Variants in THRA observed in about 807,000 individuals in gnomAD.
THRA encodes EAR-7.
In THRA, 13 loss-of-function variants were observed where a neutral mutation model predicts 45.0. The ratio of observed to expected loss-of-function variants is 0.29; its 90% CI spans 0.19 to 0.46. THRA has a LOEUF of 0.46. Among genes scored for constraint, THRA ranks in the 20% least tolerant of loss-of-function variants. THRA has a pLI of 1.00. For missense variants in THRA, 278 were observed against 556.1 expected, an observed-to-expected ratio of 0.50 and a Z score of 5.03; for synonymous variants, 195 against 214.0, an observed-to-expected ratio of 0.91 and a Z score of 0.78.
intron 1 of THRA, among the ~76,000 whole-genome samples, chr17:40,064,257 C>G (rs889956704): frequency 2.0e-5 from 3 of 152,154 alleles, no homozygotes; most frequent in Non-Finnish European, 4.4e-5. Context: ...CACAGGGTCA[C>G]ACGTAGATGC....
intron 4 of THRA, among the ~76,000 whole-genome samples, chr17:40,083,028 C>T (rs892908770): frequency 4.7e-5 from 7 of 148,194 alleles, no homozygotes; most frequent in African/African-American, 1.0e-4. Flanking sequence ...CCTGGGTTCA[C>T]GCCATTCTCC....
intron 1 of THRA, among the ~76,000 whole-genome samples, chr17:40,066,765 T>A (rs1986589400): frequency 6.6e-6 from 1 of 151,870 alleles, no homozygotes; most frequent in Non-Finnish European, 1.5e-5. Context: ...ATGGTGATGA[T>A]CATGACGGCC....
Position 40,091,573 on chromosome 17 carries a change from C to T in THRA, c.*2117C>T, listed in dbSNP as rs920965352. On this transcript the variant is annotated 3_prime_UTR_variant, in exon 9 of 9. Coordinates refer to ENST00000450525, the MANE Select transcript of THRA (RefSeq NM_199334.5). Reference sequence around the variant, plus strand: ...GAATTCCTGACCTGTCTGCTGTCTTCCCCATCCCTCCATCCCCACCCCAAC... The same window carrying T: ...GAATTCCTGACCTGTCTGCTGTCTTTCCCATCCCTCCATCCCCACCCCAAC... 2 of 152,402 alleles carry T rather than the reference C, an allele frequency of 1.3e-5. No individual in the cohort carries two copies. The highest frequency in any genetic ancestry group is 2.9e-5 in the Non-Finnish European group (2 of 68,284). The allele number at this position is 152,402 out of a possible 1,614,324, so 9.4% of individuals were successfully genotyped here.
intron 1 of THRA, among the ~76,000 whole-genome samples, chr17:40,064,157 C>A (rs889541940): frequency 1.3e-5 from 2 of 152,140 alleles, no homozygotes; most frequent in Non-Finnish European, 2.9e-5. Context: ...AGGGAAGAGA[C>A]AGGCTGCTGC....
Position 40,090,084 on chromosome 17 carries a change from A to C in THRA, c.*628A>C. ...GCGAGCGATAGAGAGAGATGATATT[A>C]AGTTATTAACTGAGGCTGACCAGAG... is the stretch of plus-strand genomic sequence containing the variant. On this transcript the variant is annotated 3_prime_UTR_variant, in exon 9 of 9. Transcript: ENST00000450525. 1 of 971,218 alleles carries C rather than the reference A, an allele frequency of 1.0e-6. No individual in the cohort carries two copies. The highest frequency in any genetic ancestry group is 1.2e-6 in the Non-Finnish European group (1 of 816,674). 60.2% of individuals were successfully genotyped at this position (971,218 alleles called of 1,614,324 possible). A position where few individuals can be genotyped will look rare whatever the true frequency, so the allele number is the denominator to read the frequency against.
chr17:40,089,982 T>A lies in THRA; in HGVS notation c.*526T>A. The A allele has an allele frequency of 1.0e-6, 1 of 988,678 alleles. No homozygotes were observed. Among genetic ancestry groups the A allele is most frequent in the Non-Finnish European group, 1.2e-6 (1 of 831,994 alleles). 61.2% of individuals were successfully genotyped at this position (988,678 alleles called of 1,614,324 possible). A position where few individuals can be genotyped will look rare whatever the true frequency, so the allele number is the denominator to read the frequency against. The stretch of plus-strand genomic sequence containing the variant: ...GGTTAAAATTTATAGTCATTCTAAC[T>A]GCACTTTGGAAACCAAGCAAGGGGA... On this transcript the variant is annotated 3_prime_UTR_variant, in exon 9 of 9. Coordinates refer to ENST00000450525, the MANE Select transcript of THRA (RefSeq NM_199334.5). This position sits in a 1 kb window ranked among gnomAD's most constrained non-coding sequence, Gnocchi z 6.1.
At chr17:40,082,207 C>CTTTTTTTTTT (rs770974952) in intron 4 of THRA, among the ~76,000 whole-genome samples, 3 of 78,782 alleles carry the variant, frequency 3.8e-5, no homozygotes, top group Non-Finnish European at 7.5e-5. Flanking sequence ...CTTGGATTTC[C>CTTTTTTTTTT]TTTTTTTTTT....
In THRA at chr17:40,088,145, C is replaced by CT. The variant is rs1987397717; in HGVS notation, c.724-95dup. The CT allele has an allele frequency of 2.0e-6, 3 of 1,483,128 alleles. No homozygotes were observed. In the African/African-American group the frequency reaches 4.2e-5, roughly 21 times the overall value. 91.9% of individuals were successfully genotyped at this position (1,483,128 alleles called of 1,614,324 possible). A position where few individuals can be genotyped will look rare whatever the true frequency, so the allele number is the denominator to read the frequency against. ...TCAGCCGTTCAGAGTCCATGGGGGC[C>CT]TTGCGGGCCTCACGGCTCCCGTAGG... On this transcript the variant is annotated intron_variant, in intron 7 of 8. Coordinates refer to ENST00000450525, the MANE Select transcript of THRA (RefSeq NM_199334.5).
intron 4 of THRA, among the ~76,000 whole-genome samples, chr17:40,083,117 C>A (rs952141673): frequency 2.0e-5 from 3 of 151,974 alleles, no homozygotes; most frequent in African/African-American, 7.2e-5. Flanking sequence ...TTAGTAGAGA[C>A]AGGGTTTCAC....
At chr17:40,077,382 T>C (rs1986991122) in intron 3 of THRA, 126 bp from the exon 4 acceptor site, 1 of 746,970 alleles carries the variant, frequency 1.3e-6, no homozygotes, top group African/African-American at 1.7e-5. Flanking sequence ...TCTAGGATTC[T>C]ACCAGGGAGG....
chr17:40,078,436 G>A (rs1009183611), intron 4 of THRA, among the ~76,000 whole-genome samples: 3 of 152,194 alleles, frequency 2.0e-5, no homozygotes, highest in Non-Finnish European at 4.4e-5. Context: ...AACGGTGGTG[G>A]CGCCACTGCA....
At chr17:40,077,373 C>A in intron 3 of THRA, 135 bp from the exon 4 acceptor site, 1 of 707,166 alleles carries the variant, frequency 1.4e-6, no homozygotes, top group Non-Finnish European at 2.5e-6. Context: ...TCGTGTCTCT[C>A]TAGGATTCTA....
At chr17:40,083,414 T>C (rs756502781) in intron 4 of THRA, among the ~76,000 whole-genome samples, 1 of 151,976 alleles carries the variant, frequency 6.6e-6, no homozygotes, top group African/African-American at 2.4e-5. Context: ...GGTTTCTTCA[T>C]GTTGGTCAGG....
At chr17:40,072,094 T>G (rs539297342) in intron 1 of THRA, 1 of 152,438 alleles carries the variant, frequency 6.6e-6, no homozygotes. Context: ...CCCAGACACA[T>G]TTGGAGTTAA....
intron 4 of THRA, among the ~76,000 whole-genome samples, chr17:40,079,752 C>A (rs915450807): frequency 6.6e-6 from 1 of 151,990 alleles, no homozygotes; most frequent in Non-Finnish European, 1.5e-5. Context: ...AATGATTATC[C>A]CCATTTTATA....
intron 4 of THRA, 144 bp from the exon 5 acceptor site, chr17:40,083,691 C>T: frequency 6.4e-6 from 7 of 1,089,460 alleles, no homozygotes; most frequent in Non-Finnish European, 9.0e-6. Context: ...TAATCTTGGG[C>T]TCATGGTGTC....
intron 1 of THRA, among the ~76,000 whole-genome samples, chr17:40,063,534 C>T (rs919304944): frequency 6.6e-6 from 1 of 152,130 alleles, no homozygotes; most frequent in Non-Finnish European, 1.5e-5. Context: ...TGCAAAGCTG[C>T]CTCCAGCTGC....
At chr17:40,074,123 A>C in intron 1 of THRA, 69 bp from the exon 2 acceptor site, 1 of 252,660 alleles carries the variant, frequency 4.0e-6, no homozygotes, top group Non-Finnish European at 7.9e-6. Context: ...AAATGTTGCC[A>C]CCAAAGGGAT....
rs1415358600 is a variant in THRA at position 40,089,861 on chromosome 17, G to A, written c.*405G>A. The A allele has an allele frequency of 2.0e-5, 21 of 1,028,216 alleles. No homozygotes were observed. Among genetic ancestry groups the A allele is most frequent in the Non-Finnish European group, 2.2e-5 (19 of 855,880 alleles). 63.7% of individuals were successfully genotyped at this position (1,028,216 alleles called of 1,614,324 possible). A position where few individuals can be genotyped will look rare whatever the true frequency, so the allele number is the denominator to read the frequency against. ...ACACATGAGAGAGAGCCCCCACCCA[G>A]TTCCTTGGCCTAGGTCTCCCCTCCA... On this transcript the variant is annotated 3_prime_UTR_variant, in exon 9 of 9. Transcript: ENST00000450525. The surrounding 1 kb of genome is among the most constrained non-coding windows in gnomAD (Gnocchi z 6.1).
Sources: allele counts gnomAD v4.1 joint callset (sites outside exome capture counted in the v4.1 genomes callset), GRCh38; gene constraint gnomAD v4.1.1; non-coding constraint Gnocchi (gnomAD v3.1); transcripts MANE v1.5; gene names NCBI Gene and HGNC (gene_info 2026-07-23, HGNC 2026-07-21).